ATP5PO: variants seen among roughly 807,000 people sequenced by gnomAD.
ATP5PO encodes the protein ATP synthase peripheral stalk subunit OSCP.
A neutral mutation model predicts 26.2 loss-of-function variants in ATP5PO; 14 were observed. The ratio of observed to expected loss-of-function variants is 0.53; its 90% CI spans 0.35 to 0.83. The LOEUF (loss-of-function observed/expected upper bound fraction) is 0.83. Among genes scored for constraint, ATP5PO ranks in the 40% least tolerant of loss-of-function variants. The pLI is 0.01. For missense variants in ATP5PO, 241 were observed against 258.5 expected, an observed-to-expected ratio of 0.93 and a Z score of 0.46; for synonymous variants, 106 against 95.1, an observed-to-expected ratio of 1.12 and a Z score of -0.67.
Position 33,909,186 on chromosome 21 carries a change from G to T in ATP5PO, c.224C>A (p.Ala75Asp). 6.2e-7 allele frequency: 1 copy of T among 1,613,684 alleles called. No individual in the cohort carries two copies. The highest frequency in any genetic ancestry group is 8.5e-7 in the Non-Finnish European group (1 of 1,179,854). ...CACATAGGGATTCAAAACAGAAGCA[G>T]CCACTTTGGGTTCCTTCAGGATTTG... is the stretch of plus-strand genomic sequence containing the variant. ...VAQILKEPKVAASVLNPYVKR... is the reference protein window; with the variant it reads ...VAQILKEPKVDASVLNPYVKR... Residue 75 changes from alanine (A) to aspartate (D), a missense_variant, in exon 4 of 7, where the codon GCT becomes GAT. Transcript: ENST00000290299.
At chr21:33,914,842 C>A in intron 1 of ATP5PO, 1 of 208,078 alleles carries the variant, frequency 4.8e-6, no homozygotes, top group South Asian at 1.1e-4. Flanking sequence ...TATTAACAGA[C>A]CCTTGAGCAG....
chr21:33,905,092 C>CT (rs1163728612), intron 5 of ATP5PO, among the ~76,000 whole-genome samples: 9 of 152,016 alleles, frequency 5.9e-5, no homozygotes, highest in Admixed American at 5.9e-4. Flanking sequence ...GGCCCCTCCT[C>CT]TAAGAGCCTA....
intron 5 of ATP5PO, among the ~76,000 whole-genome samples, chr21:33,904,287 C>T (rs1007869564): frequency 2.0e-5 from 3 of 152,250 alleles, no homozygotes; most frequent in African/African-American, 7.2e-5. Flanking sequence ...CCCTCCCTGC[C>T]TCTGCTCTGT....
chr21:33,909,527 A>C (rs892071756), intron 3 of ATP5PO, among the ~76,000 whole-genome samples: 1 of 152,132 alleles, frequency 6.6e-6, no homozygotes, highest in Non-Finnish European at 1.5e-5. Flanking sequence ...CGGCCTCCCA[A>C]AGTGCTGCGA....
chr21:33,912,153 TA>T, intron 3 of ATP5PO, 135 bp downstream of exon 3: 1 of 558,356 alleles, frequency 1.8e-6, no homozygotes, highest in Non-Finnish European at 3.0e-6. Flanking sequence ...ATATTATTAC[TA>T]AAAATGTGTT....
At chr21:33,904,510 C>T (rs1216435116) in intron 5 of ATP5PO, among the ~76,000 whole-genome samples, 1 of 152,170 alleles carries the variant, frequency 6.6e-6, no homozygotes, top group African/African-American at 2.4e-5. Flanking sequence ...TGTTCATCTC[C>T]CCGCATCCAC....
At chr21:33,911,662 G>GTTTTTTTTTTT (rs58774588) in intron 3 of ATP5PO, among the ~76,000 whole-genome samples, 63 of 92,088 alleles carry the variant, frequency 6.8e-4, no homozygotes, top group Non-Finnish European at 1.0e-3. Context: ...ATAAGCATAG[G>GTTTTTTTTTTT]TTTTTTTTTT....
chr21:33,912,605 A>G (rs920032178), intron 2 of ATP5PO, among the ~76,000 whole-genome samples: 2 of 152,230 alleles, frequency 1.3e-5, no homozygotes, highest in African/African-American at 4.8e-5. Context: ...TCAATCTTTG[A>G]GCCTCCAATT....
At chr21:33,910,898 G>A (rs1474225598) in intron 3 of ATP5PO, among the ~76,000 whole-genome samples, 1 of 152,152 alleles carries the variant, frequency 6.6e-6, no homozygotes, top group Non-Finnish European at 1.5e-5. Flanking sequence ...AACATAAACA[G>A]TACAGAACAG....
At chr21:33,903,902 G>A (rs369165417) in intron 6 of ATP5PO, 33 bp downstream of exon 6, 25 of 1,551,910 alleles carry the variant, frequency 1.6e-5, no homozygotes, top group Middle Eastern at 1.7e-4. Flanking sequence ...AAAATAACCC[G>A]AGAAAACGTA....
At chr21:33,909,275 C>T in intron 3 of ATP5PO, 64 bp from the exon 4 acceptor site, 9 of 1,530,128 alleles carry the variant, frequency 5.9e-6, no homozygotes, top group African/African-American at 2.8e-5. Flanking sequence ...GTGCCATGCA[C>T]ACACTTTCTT....
intron 3 of ATP5PO, among the ~76,000 whole-genome samples, chr21:33,909,981 C>T (rs921608687): frequency 6.6e-6 from 1 of 152,188 alleles, no homozygotes; most frequent in African/African-American, 2.4e-5. Context: ...TTCTGTGAGG[C>T]CTCTGGTGCT....
At chr21:33,912,207 C>A (rs1987258170) in intron 3 of ATP5PO, 82 bp downstream of exon 3, 7 of 1,193,914 alleles carry the variant, frequency 5.9e-6, no homozygotes, top group Non-Finnish European at 8.4e-6. Context: ...GTAGGATACA[C>A]CTCATTAGGA....
At chr21:33,907,169 G>T in intron 5 of ATP5PO, 172 bp downstream of exon 5, 1 of 598,924 alleles carries the variant, frequency 1.7e-6, no homozygotes, top group Non-Finnish European at 3.0e-6. Flanking sequence ...ATACACGCTG[G>T]CTTTTCCAAA....
chr21:33,909,404 C>T (rs1430453913), intron 3 of ATP5PO, among the ~76,000 whole-genome samples, 193 bp from the exon 4 acceptor site: 2 of 151,722 alleles, frequency 1.3e-5, no homozygotes, highest in Non-Finnish European at 2.9e-5. Flanking sequence ...CTCAGCCTCC[C>T]GAATAGCTGC....
rs182883343 is a variant in ATP5PO, at chr21:33,907,634, T to C, written c.329-181A>G. Among the ~76,000 whole-genome samples the C allele has an allele frequency of 2.1e-3, 320 of 152,034 alleles. 2 individuals are homozygous for C. The highest frequency in any genetic ancestry group is 6.4e-3 in the African/African-American group (264 of 41,452). On this transcript the variant is annotated intron_variant, in intron 4 of 6. Transcript: ENST00000290299. Reference sequence around the variant, plus strand: ...TGCAAAGATTGCTTGGGGCCATGAGTTCAAGACCAGCCAAAATAGTGAGAT... The same window carrying C: ...TGCAAAGATTGCTTGGGGCCATGAGCTCAAGACCAGCCAAAATAGTGAGAT...
At chr21:33,913,784 AT>A (rs1011347536) in intron 2 of ATP5PO, among the ~76,000 whole-genome samples, 39 of 146,348 alleles carry the variant, frequency 2.7e-4, no homozygotes, top group Non-Finnish European at 3.0e-4. Flanking sequence ...GTACCTTGAT[AT>A]TTTTTTTTTT....
At chr21:33,905,573 T>C (rs560429825) in intron 5 of ATP5PO, among the ~76,000 whole-genome samples, 1 of 152,030 alleles carries the variant, frequency 6.6e-6, no homozygotes, top group Non-Finnish European at 1.5e-5. Flanking sequence ...TTAGTAACAG[T>C]TGGTTCTAAA....
intron 5 of ATP5PO, among the ~76,000 whole-genome samples, 188 bp from the exon 6 acceptor site, chr21:33,904,209 G>A (rs1987139757): frequency 6.6e-6 from 1 of 152,170 alleles, no homozygotes; most frequent in Non-Finnish European, 1.5e-5. Context: ...GCACAGGAAG[G>A]CCCTGCCTCA....
Sources: gnomAD v4.1 joint callset for allele counts (sites outside exome capture counted in the v4.1 genomes callset) on GRCh38, gnomAD v4.1.1 for gene constraint, MANE v1.5 for transcripts, NCBI Gene and HGNC (gene_info 2026-07-23, HGNC 2026-07-21) for gene names.